TMEFF2: variants seen among roughly 807,000 people sequenced by gnomAD.
TMEFF2 encodes transmembrane protein with EGF like and two follistatin like domains 2, also known as tomoregulin-2.
In TMEFF2, 28 loss-of-function variants were observed where a neutral mutation model predicts 53.8. The observed-to-expected ratio is 0.52, with a 90% CI of 0.39 to 0.71. The LOEUF (loss-of-function observed/expected upper bound fraction) is 0.71. Among genes scored for constraint, TMEFF2 ranks in the 30% least tolerant of loss-of-function variants. The pLI is 0.00. For missense variants in TMEFF2, 353 were observed against 455.2 expected (o/e 0.78, Z 2.04); for synonymous variants, 162 against 166.3 (o/e 0.97, Z 0.20).
intron 7 of TMEFF2, among the ~76,000 whole-genome samples, chr2:191,993,433 G>A (rs1157072482): frequency 1.3e-5 from 2 of 151,970 alleles, no homozygotes; most frequent in Admixed American, 6.6e-5. Flanking sequence ...GGAACTCGAC[G>A]CAGGCCTGTA....
intron 4 of TMEFF2, among the ~76,000 whole-genome samples, chr2:192,137,643 G>C (rs1441192598): frequency 6.6e-6 from 1 of 152,030 alleles, no homozygotes; most frequent in African/African-American, 2.4e-5. Context: ...AGGGTGCCAA[G>C]AAGTTCTCAG....
intron 5 of TMEFF2, among the ~76,000 whole-genome samples, chr2:192,000,761 C>T (rs914065290): frequency 6.6e-6 from 1 of 152,114 alleles, no homozygotes; most frequent in African/African-American, 2.4e-5. Flanking sequence ...AATGAACTTA[C>T]TTATTTATTT....
Position 192,194,712 on chromosome 2 carries a change from G to C in TMEFF2, c.-188C>G. On this transcript the variant is annotated 5_prime_UTR_variant, in exon 1 of 10. Transcript: ENST00000272771. This position sits in a 1 kb window ranked among gnomAD's most constrained non-coding sequence, Gnocchi z 4.2. ...CTCGAGAGTTTCAGCAACATCCAGG[G>C]ACTGGGCTCAGCCCCGGAGCGAGAG... is the stretch of plus-strand genomic sequence containing the variant. 1 of 632,338 alleles carries C rather than the reference G, an allele frequency of 1.6e-6. No individual in the cohort carries two copies. Among genetic ancestry groups the C allele is most frequent in the Non-Finnish European group, 2.7e-6 (1 of 364,326 alleles). The allele number at this position is 632,338 out of a possible 1,614,324, so 39.2% of individuals were successfully genotyped here.
intron 4 of TMEFF2, among the ~76,000 whole-genome samples, chr2:192,108,336 T>C (rs1271161100): frequency 6.6e-6 from 1 of 151,924 alleles, no homozygotes; most frequent in African/African-American, 2.4e-5. Context: ...GGATTATTAG[T>C]GTAATCCACA....
At chr2:192,168,574 T>C (rs1690827991) in intron 4 of TMEFF2, among the ~76,000 whole-genome samples, 2 of 152,146 alleles carry the variant, frequency 1.3e-5, no homozygotes, top group Admixed American at 6.6e-5. Context: ...CAAGTTCATA[T>C]ACTGGTATTA....
chr2:192,155,723 C>T (rs749996205), intron 4 of TMEFF2, among the ~76,000 whole-genome samples: 5 of 152,038 alleles, frequency 3.3e-5, no homozygotes, highest in Admixed American at 6.6e-5. Context: ...TGGATCAATA[C>T]AGCTACTGCT....
intron 5 of TMEFF2, among the ~76,000 whole-genome samples, chr2:192,025,814 G>C (rs1233280839): frequency 2.0e-5 from 3 of 152,166 alleles, no homozygotes; most frequent in Non-Finnish European, 4.4e-5. Flanking sequence ...TGATCCACAA[G>C]GGGGAGATAC....
At chr2:192,179,719 C>G in intron 3 of TMEFF2, 25 bp from the exon 4 acceptor site, 3 of 1,518,382 alleles carry the variant, frequency 2.0e-6, no homozygotes, top group Non-Finnish European at 2.6e-6. Flanking sequence ...GTTATATTTG[C>G]TAGTAAAACA....
intron 5 of TMEFF2, among the ~76,000 whole-genome samples, chr2:192,049,772 C>T (rs1447056260): frequency 2.0e-5 from 3 of 152,028 alleles, no homozygotes; most frequent in South Asian, 2.1e-4. Context: ...GAGGCTGAGG[C>T]GGGAGGATCA....
In TMEFF2 at chr2:192,010,364, C is replaced by A. The variant is rs181980198; in HGVS notation, c.537-11156G>T. On this transcript the variant is annotated intron_variant, in intron 5 of 9. Coordinates refer to ENST00000272771, the MANE Select transcript of TMEFF2 (RefSeq NM_016192.4). ...TGAAGGACTTTAAGTAGAAATATTT[C>A]AACATTTTGCCTTGAAATAAAAATG... Among the ~76,000 whole-genome samples the A allele has an allele frequency of 2.0e-5, 3 of 152,216 alleles. No individual in the cohort carries two copies. The East Asian group carries it at 5.8e-4, about 29-fold the overall frequency.
intron 4 of TMEFF2, among the ~76,000 whole-genome samples, chr2:192,135,968 C>T (rs1181550203): frequency 6.6e-6 from 1 of 151,882 alleles, no homozygotes; most frequent in African/African-American, 2.4e-5. Context: ...ATTACCTTCC[C>T]AAATCCTATA....
intron 7 of TMEFF2, among the ~76,000 whole-genome samples, chr2:191,979,850 A>T (rs1282832147): frequency 6.6e-6 from 1 of 151,712 alleles, no homozygotes; most frequent in Non-Finnish European, 1.5e-5. Flanking sequence ...ATCTCTATCT[A>T]TCTATCGATC....
chr2:192,058,837 AAGCAATTAATCCC>A (rs1162961518), intron 4 of TMEFF2, among the ~76,000 whole-genome samples: 2 of 152,166 alleles, frequency 1.3e-5, no homozygotes, highest in Non-Finnish European at 2.9e-5. Context: ...AAAAGAACAT[AAGCAATTAATCCC>A]AGCATTAGTT....
intron 8 of TMEFF2, among the ~76,000 whole-genome samples, chr2:191,955,745 G>C (rs150993245): frequency 6.6e-6 from 1 of 151,770 alleles, no homozygotes; most frequent in African/African-American, 2.4e-5. Context: ...ATTTCACTTT[G>C]CACGGCTCCA....
chr2:192,148,762 C>T (rs1283333517), intron 4 of TMEFF2, among the ~76,000 whole-genome samples: 1 of 151,952 alleles, frequency 6.6e-6, no homozygotes, highest in African/African-American at 2.4e-5. Context: ...TGCTGGCTGC[C>T]TCTGGAATAA....
At chr2:192,140,677 C>T (rs1690116349) in intron 4 of TMEFF2, among the ~76,000 whole-genome samples, 1 of 151,764 alleles carries the variant, frequency 6.6e-6, no homozygotes, top group East Asian at 1.9e-4. Context: ...CAAGGATTGG[C>T]ATGTAGAAGA....
At chr2:192,177,053 G>A (rs540202762) in intron 4 of TMEFF2, 2 of 151,178 alleles carry the variant, frequency 1.3e-5, no homozygotes, top group African/African-American at 4.8e-5. Flanking sequence ...TGCTTGCCAA[G>A]TAAACCCAAT....
At chr2:192,026,600 T>A (rs898801824) in intron 5 of TMEFF2, among the ~76,000 whole-genome samples, 1 of 152,140 alleles carries the variant, frequency 6.6e-6, no homozygotes, top group Admixed American at 6.6e-5. Flanking sequence ...AGAGGTTGAG[T>A]CCAGCCTTTT....
chr2:192,055,413 G>T (rs1260657746), intron 5 of TMEFF2, among the ~76,000 whole-genome samples: 3 of 152,038 alleles, frequency 2.0e-5, no homozygotes, highest in African/African-American at 7.3e-5. Context: ...AGTACTTCTG[G>T]CAATCTCTCA....
Sources: allele counts gnomAD v4.1 joint callset (sites outside exome capture counted in the v4.1 genomes callset), GRCh38; gene constraint gnomAD v4.1.1; non-coding constraint Gnocchi (gnomAD v3.1); transcripts MANE v1.5; gene names NCBI Gene and HGNC (gene_info 2026-07-23, HGNC 2026-07-21).